The following REC114 variants were observed in gnomAD, a reference collection of about 807,000 sequenced individuals.
REC114 encodes REC114 meiotic recombination protein, also known as meiotic recombination protein REC114.
A neutral mutation model predicts 31.3 loss-of-function variants in REC114; 27 were observed. That is an observed-to-expected ratio of 0.86 (90% CI 0.64 to 1.19). REC114 has a LOEUF of 1.19. Ranked by LOEUF, REC114 falls within the 50% of genes most tolerant of loss-of-function variation. REC114 has a pLI of 0.00. For synonymous variants in REC114, 134 were observed against 127.7 expected (o/e 1.05, Z -0.33); for missense variants, 344 against 326.9 (o/e 1.05, Z -0.40).
chr15:73,491,572 A>T (rs1893447885), intron 2 of REC114, among the ~76,000 whole-genome samples: 1 of 152,184 alleles, frequency 6.6e-6, no homozygotes, highest in Admixed American at 6.5e-5. Context: ...GAAAGAAGTA[A>T]CTTCAAAAGA....
chr15:73,472,769 G>A (rs1408306147), intron 1 of REC114, among the ~76,000 whole-genome samples: 3 of 152,060 alleles, frequency 2.0e-5, no homozygotes, highest in Non-Finnish European at 2.9e-5. Flanking sequence ...TATCTCGATA[G>A]GTTGGAACTA....
chr15:73,529,048 C>T (rs566356986), intron 2 of REC114, among the ~76,000 whole-genome samples: 112 of 151,964 alleles, frequency 7.4e-4, no homozygotes, highest in Non-Finnish European at 9.7e-4. Context: ...GATGATATTA[C>T]GGAATTGTTA....
intron 2 of REC114, among the ~76,000 whole-genome samples, chr15:73,534,665 C>T (rs1894130911): frequency 6.6e-6 from 1 of 152,172 alleles, no homozygotes; most frequent in Non-Finnish European, 1.5e-5. Context: ...AGGGAATCCT[C>T]CCTAACTCAT....
chr15:73,485,418 C>A (rs1341866246), intron 2 of REC114, among the ~76,000 whole-genome samples: 1 of 152,146 alleles, frequency 6.6e-6, no homozygotes, highest in Non-Finnish European at 1.5e-5. Flanking sequence ...TCTTTGGCCA[C>A]TGATATGGTT....
intron 2 of REC114, among the ~76,000 whole-genome samples, chr15:73,530,000 ATTTAC>A (rs1250472947): frequency 1.3e-5 from 2 of 152,172 alleles, no homozygotes; most frequent in Non-Finnish European, 2.9e-5. Context: ...ATTTATTTTT[ATTTAC>A]TTTACTCCTT....
chr15:73,470,800 CATG>C (rs1339436781), intron 1 of REC114, among the ~76,000 whole-genome samples: 3 of 152,094 alleles, frequency 2.0e-5, no homozygotes, highest in Admixed American at 1.3e-4. Flanking sequence ...TACCTGAAAA[CATG>C]ATATTTAAGC....
intron 1 of REC114, among the ~76,000 whole-genome samples, chr15:73,447,648 AAAATAAATAAAT>A (rs60241454): frequency 0.052 from 7,502 of 143,388 alleles, 223 homozygotes; most frequent in East Asian, 0.12. Context: ...ACTCTGTCTC[AAAATAAATAAAT>A]AAATAAATAA....
At chr15:73,492,822 G>A (rs763347583) in intron 2 of REC114, among the ~76,000 whole-genome samples, 14 of 151,998 alleles carry the variant, frequency 9.2e-5, no homozygotes, top group South Asian at 2.1e-4. Flanking sequence ...CTTTTTAGCC[G>A]TTTTGGTAGG....
At chr15:73,511,548 T>C (rs1893769341) in intron 2 of REC114, among the ~76,000 whole-genome samples, 1 of 150,232 alleles carries the variant, frequency 6.7e-6, no homozygotes, top group Admixed American at 6.6e-5. Context: ...GGTGTCAATT[T>C]TGGATCTTTC....
intron 2 of REC114, among the ~76,000 whole-genome samples, chr15:73,537,241 A>G (rs1438761053): frequency 6.6e-6 from 1 of 152,226 alleles, no homozygotes; most frequent in African/African-American, 2.4e-5. Flanking sequence ...GAGGGAAAGT[A>G]CAACAGAGTC....
At chr15:73,472,133 CATT>C (rs1248054842) in intron 1 of REC114, among the ~76,000 whole-genome samples, 1 of 152,156 alleles carries the variant, frequency 6.6e-6, no homozygotes, top group Non-Finnish European at 1.5e-5. Flanking sequence ...TAAAACAAAA[CATT>C]AAACTATCAT....
chr15:73,457,866 G>A (rs1892938579), intron 1 of REC114, among the ~76,000 whole-genome samples: 1 of 152,154 alleles, frequency 6.6e-6, no homozygotes, highest in South Asian at 2.1e-4. Flanking sequence ...CATTCAACTA[G>A]GCATTAGAGA....
chr15:73,492,950 T>C (rs371278077), intron 2 of REC114, among the ~76,000 whole-genome samples: 1 of 152,136 alleles, frequency 6.6e-6, no homozygotes, highest in Non-Finnish European at 1.5e-5. Flanking sequence ...CAATTTTCTC[T>C]TGGGTTATCT....
intron 2 of REC114, among the ~76,000 whole-genome samples, chr15:73,536,330 G>A (rs972451439): frequency 1.3e-4 from 20 of 152,216 alleles, no homozygotes; most frequent in Admixed American, 1.2e-3. Context: ...TCTTGACCTG[G>A]TGGGGGAACA....
chr15:73,518,258 T>A (rs1159545848), intron 2 of REC114, among the ~76,000 whole-genome samples: 1 of 152,240 alleles, frequency 6.6e-6, no homozygotes, highest in Non-Finnish European at 1.5e-5. Context: ...AATAACTTAT[T>A]CCTTCATGGA....
At chr15:73,493,370 TG>T (rs1333784945) in intron 2 of REC114, among the ~76,000 whole-genome samples, 1 of 152,204 alleles carries the variant, frequency 6.6e-6, no homozygotes, top group Admixed American at 6.5e-5. Context: ...TTAGTTTTTT[TG>T]TGGTGCAATT....
At chr15:73,529,348 C>T (rs1894045827) in intron 2 of REC114, among the ~76,000 whole-genome samples, 2 of 152,016 alleles carry the variant, frequency 1.3e-5, no homozygotes. Flanking sequence ...CCATGAAAGC[C>T]AGGATGGTCT....
chr15:73,500,018 A>G (rs11638684), intron 2 of REC114, among the ~76,000 whole-genome samples: 49,276 of 150,726 alleles, frequency 0.33, 9,035 homozygotes, highest in Non-Finnish European at 0.42. Flanking sequence ...TCATTTTGCA[A>G]ATTTTTCAAC....
intron 1 of REC114, among the ~76,000 whole-genome samples, chr15:73,458,668 T>C (rs2151253517): frequency 6.6e-6 from 1 of 152,320 alleles, no homozygotes; most frequent in East Asian, 1.9e-4. Context: ...CAGTCTGAGA[T>C]AGAATCAGTA....
Sources: allele counts gnomAD v4.1 joint callset (sites outside exome capture counted in the v4.1 genomes callset), GRCh38; gene constraint gnomAD v4.1.1; transcripts MANE v1.5; gene names NCBI Gene and HGNC (gene_info 2026-07-23, HGNC 2026-07-21).